Variants in GRID1 observed in about 807,000 individuals in gnomAD.
GRID1 encodes the protein glutamate receptor ionotropic, delta-1.
In GRID1, 28 loss-of-function variants were observed where a neutral mutation model predicts 98.0. The ratio of observed to expected loss-of-function variants is 0.29; its 90% confidence interval spans 0.21 to 0.39. The LOEUF (loss-of-function observed/expected upper bound fraction) is 0.39, where lower values mean the gene tolerates loss of function less well. Among genes scored for constraint, GRID1 ranks in the 10% least tolerant of loss-of-function variants. GRID1 has a pLI of 1.00. For synonymous variants in GRID1, 553 were observed against 538.5 expected (o/e 1.03, Z -0.37); for missense variants, 1,111 against 1,340.5 (o/e 0.83, Z 2.67).
intron 8 of GRID1, among the ~76,000 whole-genome samples, chr10:85,753,002 C>T (rs946293902): frequency 3.9e-5 from 6 of 152,294 alleles, no homozygotes; most frequent in South Asian, 2.1e-4. Flanking sequence ...ACTTTTCCCT[C>T]GGGTATCTCA....
intron 4 of GRID1, among the ~76,000 whole-genome samples, chr10:86,133,328 G>A (rs527333207): frequency 6.6e-6 from 1 of 152,292 alleles, no homozygotes; most frequent in East Asian, 1.9e-4. Flanking sequence ...GTGTGCATGT[G>A]TGTGTGTGTG....
intron 4 of GRID1, among the ~76,000 whole-genome samples, chr10:86,005,107 C>A (rs577078861): frequency 6.6e-6 from 1 of 152,148 alleles, no homozygotes; most frequent in Non-Finnish European, 1.5e-5. Flanking sequence ...CATGCCTCAG[C>A]TCTGCTAGCA....
intron 5 of GRID1, among the ~76,000 whole-genome samples, chr10:85,880,143 C>CA (rs1243587505): frequency 1.3e-5 from 2 of 151,970 alleles, no homozygotes; most frequent in Admixed American, 6.5e-5. Flanking sequence ...GCTTACCAAC[C>CA]AAAAAAAGTC....
At chr10:86,162,477 C>T (rs968988038) in intron 3 of GRID1, among the ~76,000 whole-genome samples, 8 of 152,180 alleles carry the variant, frequency 5.3e-5, no homozygotes, top group Admixed American at 3.3e-4. Context: ...TGTTCTCTCA[C>T]CTAAAAGCAA....
chr10:85,677,414 T>C (rs933582064), intron 12 of GRID1, among the ~76,000 whole-genome samples: 6 of 152,166 alleles, frequency 3.9e-5, no homozygotes, highest in African/African-American at 1.4e-4. Context: ...AGTTCCTGGA[T>C]GCATCAATAT....
chr10:86,317,227 C>T (rs1218930730), intron 2 of GRID1, among the ~76,000 whole-genome samples: 1 of 152,138 alleles, frequency 6.6e-6, no homozygotes, highest in Non-Finnish European at 1.5e-5. Flanking sequence ...CCTCCTCATA[C>T]TCTGATTCTA....
intron 4 of GRID1, among the ~76,000 whole-genome samples, chr10:86,057,888 T>C (rs960130813): frequency 2.6e-5 from 4 of 152,212 alleles, no homozygotes; most frequent in African/African-American, 9.6e-5. Context: ...TGCTTTGGCT[T>C]ACGCATGCAT....
chr10:86,073,274 G>C (rs1843830140), intron 4 of GRID1, among the ~76,000 whole-genome samples: 2 of 152,216 alleles, frequency 1.3e-5, no homozygotes, highest in Non-Finnish European at 2.9e-5. Flanking sequence ...CTGAGGGAGG[G>C]ACCAATTTAT....
intron 12 of GRID1, among the ~76,000 whole-genome samples, chr10:85,657,087 C>T (rs1417754604): frequency 2.0e-5 from 3 of 152,186 alleles, no homozygotes; most frequent in Non-Finnish European, 4.4e-5. Flanking sequence ...GTTTCTTAAC[C>T]TTATCCTGGT....
rs35437843 is a variant in GRID1, at chr10:86,163,408, C to CTT, written c.521-24386_521-24385dup. ...CAGAGCAGCATGTTTTGACGCATTT[C>CTT]TTTTTTTTTTTTTTTTCATTATACT... On this transcript the variant is annotated intron_variant, in intron 3 of 15. Coordinates refer to ENST00000327946, the MANE Select transcript of GRID1 (RefSeq NM_017551.3). Among the ~76,000 whole-genome samples the CTT allele has an allele frequency of 3.3e-3, 461 of 138,408 alleles. 1 individual carries two copies. The highest frequency in any genetic ancestry group is 0.011 in the African/African-American group (423 of 37,542). 90.8% of individuals were successfully genotyped at this position (138,408 alleles called of 152,430 possible).
At position 85,599,798 on chromosome 10, in the gene GRID1, A is replaced by AT. The variant is rs1444180852; in HGVS notation, c.*2474_*2475insA. 4.1e-5 allele frequency: 2 copies of AT among 49,100 alleles called. No individual in the cohort carries two copies. The highest frequency in any genetic ancestry group is 4.3e-4 in the East Asian group (1 of 2,332). 3.0% of individuals were successfully genotyped at this position (49,100 alleles called of 1,614,324 possible). On this transcript the variant is annotated 3_prime_UTR_variant, in exon 16 of 16. Transcript: ENST00000327946. ...AAGGGTAGAAAATTCTAAAAAAAAA[A>AT]AAAAATATATATATATATATATAAA...
At chr10:85,926,351 G>A (rs537746140) in intron 4 of GRID1, among the ~76,000 whole-genome samples, 52 of 152,300 alleles carry the variant, frequency 3.4e-4, no homozygotes, top group African/African-American at 1.2e-3. Flanking sequence ...GAGTAAGGAA[G>A]AGAGGATATT....
chr10:85,840,977 A>C (rs1842956030), intron 8 of GRID1, among the ~76,000 whole-genome samples: 1 of 152,206 alleles, frequency 6.6e-6, no homozygotes, highest in Non-Finnish European at 1.5e-5. Flanking sequence ...TCACAGAACT[A>C]GAAGAAAACA....
At chr10:85,984,464 C>T (rs944153277) in intron 4 of GRID1, among the ~76,000 whole-genome samples, 7 of 152,228 alleles carry the variant, frequency 4.6e-5, no homozygotes, top group African/African-American at 9.6e-5. Context: ...GAGGTCTGGG[C>T]GGGAGAGCCT....
At chr10:85,635,451 AC>A (rs1012395139) in intron 13 of GRID1, among the ~76,000 whole-genome samples, 2 of 152,084 alleles carry the variant, frequency 1.3e-5, no homozygotes. Context: ...CTGCAAGTGG[AC>A]CCCAGCAATT....
At chr10:85,940,336 A>G (rs1182726376) in intron 4 of GRID1, among the ~76,000 whole-genome samples, 2 of 152,102 alleles carry the variant, frequency 1.3e-5, no homozygotes, top group Admixed American at 6.5e-5. Flanking sequence ...ATGTGTAGTG[A>G]ATCTTCAAAG....
chr10:86,137,825 AGCAGTG>A (rs1844951245), intron 4 of GRID1, among the ~76,000 whole-genome samples: 1 of 152,190 alleles, frequency 6.6e-6, no homozygotes, highest in Non-Finnish European at 1.5e-5. Context: ...TAAGTTCCCC[AGCAGTG>A]GGCTTTGGGC....
intron 2 of GRID1, among the ~76,000 whole-genome samples, chr10:86,260,897 T>A (rs899073878): frequency 6.6e-6 from 1 of 152,276 alleles, no homozygotes; most frequent in Non-Finnish European, 1.5e-5. Context: ...TTGTATTTTC[T>A]GCTTTAGCTT....
rs185958185 is a variant in GRID1 at position 85,769,719 on chromosome 10, T to C, written c.1234-40105A>G. Among the ~76,000 whole-genome samples, 694 of 152,270 alleles carry C rather than the reference T, an allele frequency of 4.6e-3. 4 individuals carry two copies. The highest frequency in any genetic ancestry group is 5.3e-3 in the Non-Finnish European group (359 of 68,018). ...TCCTACACCCACGGAGTCTCGCTGA[T>C]TGCTAACAAAGCAGTCTGAGATCAA... is the stretch of plus-strand genomic sequence containing the variant. On this transcript the variant is annotated intron_variant, in intron 8 of 15. Transcript: ENST00000327946.
Sources: gnomAD v4.1 joint callset for allele counts (sites outside exome capture counted in the v4.1 genomes callset) on GRCh38, gnomAD v4.1.1 for gene constraint, MANE v1.5 for transcripts, NCBI Gene and HGNC (gene_info 2026-07-23, HGNC 2026-07-21) for gene names.